Variants in ITPKB observed in about 807,000 individuals in gnomAD.
The protein encoded by ITPKB is inositol-trisphosphate 3-kinase B.
A neutral mutation model predicts 69.4 loss-of-function variants in ITPKB; 13 were observed. That is an observed-to-expected ratio of 0.19 (90% CI 0.12 to 0.30). The LOEUF is 0.30. Ranked by LOEUF, ITPKB falls within the 10% of genes least tolerant of loss-of-function variation. The pLI is 1.00. For synonymous variants in ITPKB, 584 were observed against 513.7 expected (o/e 1.14, Z -1.85); for missense variants, 1,240 against 1,250.5 (o/e 0.99, Z 0.13).
chr1:226,696,198 C>G (rs766723864), intron 2 of ITPKB, among the ~76,000 whole-genome samples: 2 of 152,136 alleles, frequency 1.3e-5, no homozygotes, highest in Non-Finnish European at 2.9e-5. Flanking sequence ...TCTCACTAAG[C>G]CTTAGTTTCC....
At chr1:226,636,789 TGTGTGA>T (rs759859339) in intron 7 of ITPKB, among the ~76,000 whole-genome samples, 1,493 of 145,702 alleles carry the variant, frequency 0.01, 16 homozygotes, top group African/African-American at 0.022. Context: ...TGTGTGTGTG[TGTGTGA>T]GACTGGGAAA....
chr1:226,636,823 ATGAG>A (rs373765747), intron 7 of ITPKB, among the ~76,000 whole-genome samples: 206 of 137,088 alleles, frequency 1.5e-3, no homozygotes, highest in Non-Finnish European at 2.6e-3. Flanking sequence ...ATGTTTGTGT[ATGAG>A]TGGGTGTGCA....
intron 2 of ITPKB, among the ~76,000 whole-genome samples, chr1:226,699,902 G>A (rs1656593268): frequency 6.6e-6 from 1 of 152,168 alleles, no homozygotes; most frequent in Non-Finnish European, 1.5e-5. Context: ...TCTGCAAGCT[G>A]AGAAGCAAGG....
intron 2 of ITPKB, among the ~76,000 whole-genome samples, chr1:226,715,972 G>A (rs575627132): frequency 1.0e-3 from 155 of 152,186 alleles, no homozygotes; most frequent in African/African-American, 3.6e-3. Context: ...CATAATGCCC[G>A]GCTAATTTTT....
chr1:226,672,864 C>A (rs1374091567), intron 2 of ITPKB, among the ~76,000 whole-genome samples: 1 of 152,204 alleles, frequency 6.6e-6, no homozygotes, highest in Non-Finnish European at 1.5e-5. Flanking sequence ...GCTGCTAAGA[C>A]AGGTGTGAAG....
intron 2 of ITPKB, among the ~76,000 whole-genome samples, chr1:226,726,542 G>A (rs1389102571): frequency 6.6e-6 from 1 of 152,046 alleles, no homozygotes; most frequent in African/African-American, 2.4e-5. Flanking sequence ...CAGGCATGAT[G>A]GTACGAGCCT....
intron 2 of ITPKB, among the ~76,000 whole-genome samples, chr1:226,690,358 A>G (rs1656319270): frequency 6.6e-6 from 1 of 152,224 alleles, no homozygotes; most frequent in Non-Finnish European, 1.5e-5. Context: ...AGATGTAGAC[A>G]ACCAGGCTCA....
At chr1:226,728,412 A>G (rs1164879423) in intron 2 of ITPKB, among the ~76,000 whole-genome samples, 9 of 152,246 alleles carry the variant, frequency 5.9e-5, no homozygotes, top group Non-Finnish European at 1.3e-4. Context: ...CAGACAAGTT[A>G]GTCAAAAGCC....
chr1:226,704,552 A>G (rs779175621), intron 2 of ITPKB, among the ~76,000 whole-genome samples: 4 of 152,100 alleles, frequency 2.6e-5, no homozygotes, highest in South Asian at 2.1e-4. Context: ...GGGGAATGCA[A>G]TATTTTTCCG....
chr1:226,641,954 C>T lies in ITPKB; in HGVS notation c.2418G>A (p.Thr806=), dbSNP rs745724581. ...CCTCGATCCTGAACCCCAGGGTGGC[C>T]GTGGAGCTGATGGTCTCCCGCCACT... ...YMQWRETISS[T]ATLGFRIEGI... The change falls in exon 5 of 8, where the codon ACG becomes ACA. Residue 806 remains threonine (T), a synonymous_variant. Transcript: ENST00000429204. This position sits in a 1 kb window ranked among gnomAD's most constrained non-coding sequence, Gnocchi z 4.6. The T allele has an allele frequency of 1.7e-5, 28 of 1,613,924 alleles. No individual in the cohort carries two copies. In the Admixed American group the frequency reaches 2.7e-4, roughly 15 times the overall value.
chr1:226,663,284 G>C (rs575981473), intron 2 of ITPKB, among the ~76,000 whole-genome samples: 2 of 152,206 alleles, frequency 1.3e-5, no homozygotes, highest in South Asian at 2.1e-4. Flanking sequence ...AGAAAGGCAG[G>C]CACCAGTCTC....
At position 226,647,321 on chromosome 1, in the gene ITPKB, G is replaced by T. The variant is rs750492550; in HGVS notation, c.2092C>A (p.Arg698Ser). 6.2e-7 allele frequency: 1 copy of T among 1,614,150 alleles called. No individual in the cohort carries two copies. The highest frequency in any genetic ancestry group is 8.5e-7 in the Non-Finnish European group (1 of 1,179,990). Residue 698 changes from arginine to serine, a missense_variant, in exon 4 of 8, where the codon CGC becomes AGC. Transcript: ENST00000429204. ...TCCACCATCAGCCGGTCCAGGCAGCGCTGCTCTGACTCACAGTGCTTCTTC... is the reference window on the plus strand; with the variant it reads ...TCCACCATCAGCCGGTCCAGGCAGCTCTGCTCTGACTCACAGTGCTTCTTC... ...ILKKHCESEQ[R>S]CLDRLMVDVL... is the part of the protein sequence containing the mutation.
chr1:226,724,017 G>A (rs968676718), intron 2 of ITPKB, among the ~76,000 whole-genome samples: 3 of 152,130 alleles, frequency 2.0e-5, no homozygotes, highest in African/African-American at 7.2e-5. Flanking sequence ...ACTTAAAAAC[G>A]CTCTTCACAA....
chr1:226,723,349 C>T (rs1412068952), intron 2 of ITPKB, among the ~76,000 whole-genome samples: 1 of 152,096 alleles, frequency 6.6e-6, no homozygotes, highest in Non-Finnish European at 1.5e-5. Context: ...GACCTGAGTC[C>T]CTGTGAATGG....
intron 2 of ITPKB, among the ~76,000 whole-genome samples, chr1:226,698,864 C>T (rs138032642): frequency 3.9e-5 from 6 of 152,328 alleles, no homozygotes; most frequent in African/African-American, 1.4e-4. Context: ...CAGGCTGGTA[C>T]CCTCTCCAAC....
In ITPKB at chr1:226,659,418, C is replaced by T. The variant is rs80132299; in HGVS notation, c.1933-10647G>A. Among the ~76,000 whole-genome samples, 588 of 152,144 alleles carry T rather than the reference C, an allele frequency of 3.9e-3. 4 individuals are homozygous for T. The highest frequency in any genetic ancestry group is 0.014 in the African/African-American group (569 of 41,550). On this transcript the variant is annotated intron_variant, in intron 2 of 7. Transcript: ENST00000429204. ...CCCCAGATACGGCCCCACACTCACTCTCTGGCGTGCCCACTCCAATCCGTC... is the reference window on the plus strand; with the variant it reads ...CCCCAGATACGGCCCCACACTCACTTTCTGGCGTGCCCACTCCAATCCGTC...
Position 226,737,405 on chromosome 1 carries a change from G to T in ITPKB, c.54C>A (p.Asn18Lys). Residue 18 changes from asparagine to lysine, a missense_variant, in exon 2 of 8, where the codon AAC becomes AAA. By Grantham distance (94) the Asn-to-Lys change is moderately conservative. Transcript: ENST00000429204. The part of the protein sequence containing the change: ...LNSLVIMNSA[N>K]EMKSGGGPGP... Reference sequence around the variant, plus strand: ...CCGGGCCGCCGCCGCTCTTCATCTCGTTGGCGCTATTCATGATCACCAGGC... The same window carrying T: ...CCGGGCCGCCGCCGCTCTTCATCTCTTTGGCGCTATTCATGATCACCAGGC... 6.2e-7 allele frequency: 1 copy of T among 1,611,346 alleles called. No homozygotes were observed.
chr1:226,677,515 C>T (rs1482720033), intron 2 of ITPKB, among the ~76,000 whole-genome samples: 1 of 152,198 alleles, frequency 6.6e-6, no homozygotes, highest in Non-Finnish European at 1.5e-5. Context: ...CAAGCCCAGC[C>T]CCAGGATCAG....
At chr1:226,698,920 T>C (rs1358311311) in intron 2 of ITPKB, among the ~76,000 whole-genome samples, 1 of 152,248 alleles carries the variant, frequency 6.6e-6, no homozygotes, top group Non-Finnish European at 1.5e-5. Context: ...AGCTGGGCAG[T>C]GCAAGAAAGA....
Sources: gnomAD v4.1 joint callset for allele counts (sites outside exome capture counted in the v4.1 genomes callset) on GRCh38, gnomAD v4.1.1 for gene constraint, Gnocchi (gnomAD v3.1) non-coding constraint, MANE v1.5 for transcripts, NCBI Gene and HGNC (gene_info 2026-07-23, HGNC 2026-07-21) for gene names.